The following NDST3 variants were observed in gnomAD, a reference collection of about 807,000 sequenced individuals.
NDST3 encodes the protein bifunctional heparan sulfate N-deacetylase/N-sulfotransferase 3.
NDST3 carries 58 observed loss-of-function variants against 96.1 expected under a neutral mutation model. The ratio of observed to expected loss-of-function variants is 0.60; its 90% CI spans 0.49 to 0.75. The LOEUF is 0.75. Among genes scored for constraint, NDST3 ranks in the 30% least tolerant of loss-of-function variants. NDST3 has a pLI of 0.00. For missense variants in NDST3, 788 were observed against 1,034.2 expected, an observed-to-expected ratio of 0.76 and a Z score of 3.27; for synonymous variants, 333 against 359.7, an observed-to-expected ratio of 0.93 and a Z score of 0.84.
intron 12 of NDST3, among the ~76,000 whole-genome samples, chr4:118,248,255 G>A (rs1026662729): frequency 6.6e-6 from 1 of 152,046 alleles, no homozygotes; most frequent in African/African-American, 2.4e-5. Context: ...GGAGGCTGAG[G>A]CAGGAGAATT....
At chr4:118,165,340 A>G (rs1377938292) in intron 6 of NDST3, among the ~76,000 whole-genome samples, 1 of 152,120 alleles carries the variant, frequency 6.6e-6, no homozygotes, top group East Asian at 1.9e-4. Flanking sequence ...GAAGGACATA[A>G]TCTAGTGATT....
chr4:118,066,175 ATATATTATATATCTTATATATTATATTT>A (rs1447874016), intron 2 of NDST3, among the ~76,000 whole-genome samples: 2 of 22,584 alleles, frequency 8.9e-5, no homozygotes, highest in Non-Finnish European at 1.2e-4. Flanking sequence ...ATTATATTTT[ATATATTATATATCTTATATATTATATTT>A]TATATATTAT....
At chr4:118,204,803 T>C (rs748365306) in intron 6 of NDST3, among the ~76,000 whole-genome samples, 1 of 144,638 alleles carries the variant, frequency 6.9e-6, no homozygotes, top group Non-Finnish European at 1.5e-5. Flanking sequence ...AAAGTGGTTA[T>C]TAAATAATAT....
In NDST3 at chr4:118,054,044, A is replaced by C. The variant is rs1408959165; in HGVS notation, c.134A>C (p.Glu45Ala). The C allele has an allele frequency of 1.2e-6, 2 of 1,612,892 alleles. No individual in the cohort carries two copies. The highest frequency in any genetic ancestry group is 2.7e-5 in the African/African-American group (2 of 74,820). ...TACAAACAGGAAAATGAACTCTCTG[A>C]GACGGCTTCAGAAGTTGACTGTGGC... is the stretch of plus-strand genomic sequence containing the variant. The part of the protein sequence containing the change: ...SGYKQENELS[E>A]TASEVDCGDL... The change falls in exon 2 of 14, where the codon GAG (glutamate) becomes GCG (alanine). Residue 45 changes from glutamate (E) to alanine (A), a missense_variant. Physicochemically the swap from Glu to Ala is moderately radical, Grantham distance 107 (BLOSUM62 -1). Coordinates refer to ENST00000296499, the MANE Select transcript of NDST3 (RefSeq NM_004784.3).
In NDST3 at chr4:118,162,253, T is replaced by G. The variant is rs371590690; in HGVS notation, c.1539+18569T>G. 3.9e-3 allele frequency among the ~76,000 whole-genome samples: 596 copies of G among 152,190 alleles called. 1 individual carries two copies. Among genetic ancestry groups the G allele is most frequent in the South Asian group, 0.016 (76 of 4,816 alleles). ...TTCACAGAATTGGAAAAAACTACTT[T>G]AAAGTTCATATGGAACCAAAAAAGA... On this transcript the variant is annotated intron_variant, in intron 6 of 13. Transcript: ENST00000296499.
chr4:118,033,513 G>C (rs1578513723), upstream of NDST3: 1 of 151,908 alleles, frequency 6.6e-6, no homozygotes, highest in Non-Finnish European at 1.5e-5. Context: ...GAGCCCGGTC[G>C]ATGGAGGCGG....
intron 2 of NDST3, among the ~76,000 whole-genome samples, chr4:118,067,935 AAAG>A (rs1228470285): frequency 6.6e-6 from 1 of 151,994 alleles, no homozygotes; most frequent in East Asian, 1.9e-4. Flanking sequence ...AAATAAATAA[AAAG>A]AAAAAAGAAA....
At chr4:118,039,739 A>G (rs542466094) in intron 1 of NDST3, among the ~76,000 whole-genome samples, 1 of 152,180 alleles carries the variant, frequency 6.6e-6, no homozygotes, top group East Asian at 1.9e-4. Context: ...TGGAGAAAAA[A>G]CTTTCAGACA....
In NDST3 at chr4:118,242,121, C is replaced by T; in HGVS notation, c.2371C>T (p.Pro791Ser). Residue 791 changes from proline to serine, a missense_variant, in exon 12 of 14, where the codon CCT (proline) becomes TCT (serine). Physicochemically the swap from Pro to Ser is moderately conservative, Grantham distance 74. Around this residue, in one of 3 missense-constraint regions of NDST3, gnomAD observed 490 missense variants for 708.8 expected, o/e 0.69. Transcript: ENST00000296499. The stretch of plus-strand genomic sequence containing the variant: ...AGTACAGAAGTTTCTAGGAGTCTTG[C>T]CTCATTATAATTACTCAGAAGCTTT... ...DEVQKFLGVL[P>S]HYNYSEALTF... 3.1e-6 allele frequency: 5 copies of T among 1,608,044 alleles called. No individual in the cohort carries two copies. Among genetic ancestry groups the T allele is most frequent in the Admixed American group, 1.7e-5 (1 of 59,910 alleles).
intron 6 of NDST3, among the ~76,000 whole-genome samples, chr4:118,147,226 C>T (rs190444743): frequency 1.3e-5 from 2 of 152,282 alleles, no homozygotes; most frequent in African/African-American, 4.8e-5. Flanking sequence ...TACTGACTCT[C>T]TCTGCAAGTG....
At chr4:118,062,421 T>C (rs1400927654) in intron 2 of NDST3, among the ~76,000 whole-genome samples, 1 of 152,152 alleles carries the variant, frequency 6.6e-6, no homozygotes, top group African/African-American at 2.4e-5. Context: ...ATTGTCACAA[T>C]ATTAGGCAAT....
intron 2 of NDST3, among the ~76,000 whole-genome samples, chr4:118,084,691 T>A (rs1728279478): frequency 6.6e-6 from 1 of 152,250 alleles, no homozygotes. Context: ...ACTTGTGTTT[T>A]ACTTTTAGAG....
intron 8 of NDST3, among the ~76,000 whole-genome samples, chr4:118,229,825 T>G (rs115610925): frequency 2.0e-5 from 3 of 152,236 alleles, no homozygotes; most frequent in Non-Finnish European, 1.5e-5. Context: ...CTGGATTATA[T>G]CTCATGTATG....
chr4:118,131,045 T>C (rs1732568360), intron 4 of NDST3, among the ~76,000 whole-genome samples: 1 of 152,184 alleles, frequency 6.6e-6, no homozygotes, highest in Non-Finnish European at 1.5e-5. Flanking sequence ...ATGCCTTGAG[T>C]TAGTCTTCTT....
At chr4:118,253,376 A>G in intron 12 of NDST3, 123 bp from the exon 13 acceptor site, 1 of 572,762 alleles carries the variant, frequency 1.7e-6, no homozygotes, top group Non-Finnish European at 3.1e-6. Context: ...CTGGTTATAG[A>G]TTGTTATCCA....
intron 6 of NDST3, among the ~76,000 whole-genome samples, chr4:118,163,913 T>C (rs888491884): frequency 3.3e-5 from 5 of 152,060 alleles, no homozygotes. Context: ...TGTAAATTAG[T>C]TCAACCATTG....
intron 8 of NDST3, among the ~76,000 whole-genome samples, chr4:118,232,669 GAAAGA>G (rs1183222497): frequency 6.8e-6 from 1 of 147,950 alleles, no homozygotes; most frequent in African/African-American, 2.5e-5. Flanking sequence ...AAGAAGGAAA[GAAAGA>G]AAAGAAAAGG....
intron 2 of NDST3, among the ~76,000 whole-genome samples, chr4:118,096,659 G>GTAGATACA (rs1553930719): frequency 2.8e-5 from 4 of 144,820 alleles, no homozygotes; most frequent in African/African-American, 1.0e-4. Flanking sequence ...TATGGCTAGA[G>GTAGATACA]TAGATAGATA....
rs927780809 is a variant in NDST3, at chr4:118,258,604, A to G, written c.*2892A>G. The G allele has an allele frequency of 1.3e-5, 2 of 152,258 alleles. No homozygotes were observed. Among genetic ancestry groups the G allele is most frequent in the South Asian group, 4.1e-4 (2 of 4,822 alleles). The allele number at this position is 152,258 out of a possible 1,614,324, so 9.4% of individuals were successfully genotyped here. A position where few individuals can be genotyped will look rare whatever the true frequency, so the allele number is the denominator to read the frequency against. Reference sequence around the variant, plus strand: ...TTCTGATAGTAGCATGGTACCTCATATGTACAACAATAAACTGATAGGAAA... The same window carrying G: ...TTCTGATAGTAGCATGGTACCTCATGTGTACAACAATAAACTGATAGGAAA... On this transcript the variant is annotated 3_prime_UTR_variant, in exon 14 of 14. Coordinates refer to ENST00000296499, the MANE Select transcript of NDST3 (RefSeq NM_004784.3).
Sources: allele counts gnomAD v4.1 joint callset (sites outside exome capture counted in the v4.1 genomes callset), GRCh38; gene constraint gnomAD v4.1.1; regional missense constraint gnomAD v4.1.1; transcripts MANE v1.5; gene names NCBI Gene and HGNC (gene_info 2026-07-23, HGNC 2026-07-21).